ECT2L: variants seen among roughly 807,000 people sequenced by gnomAD.
The protein encoded by ECT2L is epithelial cell-transforming sequence 2 oncogene-like.
ECT2L carries 126 observed loss-of-function variants against 122.8 expected under a neutral mutation model. The observed-to-expected ratio is 1.03, with a 90% CI of 0.89 to 1.19. The LOEUF is 1.19. ECT2L is among the 50% of genes most tolerant of loss of function. ECT2L has a pLI of 0.00. For synonymous variants in ECT2L, 385 were observed against 381.8 expected (o/e 1.01, Z -0.10); for missense variants, 1,012 against 1,064.1 (o/e 0.95, Z 0.68).
At position 138,799,455 on chromosome 6, in the gene ECT2L, C is replaced by T. The variant is rs1034523052; in HGVS notation, c.-244+3263C>T. 2.6e-5 allele frequency among the ~76,000 whole-genome samples: 4 copies of T among 152,262 alleles called. No individual in the cohort carries two copies. The South Asian group carries it at 8.3e-4, about 32-fold the overall frequency. On this transcript the variant is annotated intron_variant, in intron 1 of 21. Transcript: ENST00000541398. ...CATTTTTAGTAGAGACGGGGTTTCA[C>T]TGTGTTAGCCAGGATGGTCTCGATC...
chr6:138,813,128 T>C (rs1057182816), intron 2 of ECT2L, 44 bp from the exon 3 acceptor site: 3 of 552,352 alleles, frequency 5.4e-6, no homozygotes, highest in Non-Finnish European at 9.6e-6. Flanking sequence ...ATTTCTATAA[T>C]TATATAATTC....
chr6:138,847,652 C>T (rs1163698097), intron 8 of ECT2L, among the ~76,000 whole-genome samples: 1 of 150,918 alleles, frequency 6.6e-6, no homozygotes, highest in Non-Finnish European at 1.5e-5. Context: ...GCTGGGATTA[C>T]AGGCGTAAGC....
At chr6:138,847,674 G>C (rs1333541535) in intron 8 of ECT2L, among the ~76,000 whole-genome samples, 1 of 150,966 alleles carries the variant, frequency 6.6e-6, no homozygotes, top group Admixed American at 6.6e-5. Context: ...ACCGCACCCA[G>C]CCTAAAGGCC....
intron 3 of ECT2L, among the ~76,000 whole-genome samples, chr6:138,814,270 C>T (rs1055445520): frequency 6.6e-6 from 1 of 152,186 alleles, no homozygotes; most frequent in African/African-American, 2.4e-5. Context: ...CAGTCTTTCC[C>T]ATCAACCCAC....
At chr6:138,838,982 A>G (rs1776944621) in intron 5 of ECT2L, among the ~76,000 whole-genome samples, 1 of 152,114 alleles carries the variant, frequency 6.6e-6, no homozygotes, top group African/African-American at 2.4e-5. Context: ...GGGTTTTACC[A>G]TGTTGGTCAG....
intron 9 of ECT2L, 93 bp from the exon 10 acceptor site, chr6:138,853,933 T>G: frequency 1.4e-6 from 2 of 1,433,946 alleles, no homozygotes; most frequent in East Asian, 2.3e-5. Flanking sequence ...AGATGGCATT[T>G]TGATTTTGTG....
Position 138,887,693 on chromosome 6 carries a change from A to G in ECT2L, c.2325+771A>G, listed in dbSNP as rs181203342. On this transcript the variant is annotated intron_variant, in intron 19 of 21. Coordinates refer to ENST00000541398, the MANE Select transcript of ECT2L (RefSeq NM_001077706.3). ...CTTACAGTTTTCCTGACTTCCTTAT[A>G]ATCATACCACACAGATCCACTCACG... 2.0e-3 allele frequency among the ~76,000 whole-genome samples: 297 copies of G among 152,224 alleles called. 1 individual carries two copies. The highest frequency in any genetic ancestry group is 6.9e-3 in the African/African-American group (288 of 41,522).
chr6:138,813,312 C>A lies in ECT2L; in HGVS notation c.38C>A (p.Pro13His). ...SFHTRFSAWT[P>H]FSNKSLNRQL... Reference sequence around the variant, plus strand: ...CACACCAGATTTAGTGCCTGGACACCTTTTAGCAACAAGTCATTAAATAGA... The same window carrying A: ...CACACCAGATTTAGTGCCTGGACACATTTTAGCAACAAGTCATTAAATAGA... Residue 13 changes from proline (P) to histidine (H), a missense_variant, in exon 3 of 22, where the codon CCT (proline) becomes CAT (histidine). Physicochemically the swap from Pro to His is moderately conservative, Grantham distance 77. Transcript: ENST00000541398. 6.2e-7 allele frequency: 1 copy of A among 1,611,964 alleles called. No homozygotes were observed. Among genetic ancestry groups the A allele is most frequent in the Non-Finnish European group, 8.5e-7 (1 of 1,179,498 alleles).
At chr6:138,815,155 G>A (rs570734924) in intron 4 of ECT2L, among the ~76,000 whole-genome samples, 108 of 152,268 alleles carry the variant, frequency 7.1e-4, no homozygotes, top group African/African-American at 2.5e-3. Flanking sequence ...TCTGTGAGTT[G>A]AAGTTATGCC....
At chr6:138,836,324 C>T (rs1224680204) in intron 4 of ECT2L, among the ~76,000 whole-genome samples, 1 of 137,196 alleles carries the variant, frequency 7.3e-6, no homozygotes, top group Non-Finnish European at 1.5e-5. Context: ...GAGTTTTGCT[C>T]GTCACCCAGG....
At chr6:138,814,455 T>C in intron 3 of ECT2L, 36 bp from the exon 4 acceptor site, 5 of 1,357,658 alleles carry the variant, frequency 3.7e-6, no homozygotes, top group Non-Finnish European at 4.2e-6. Context: ...CAATGAACTG[T>C]ACAGCAAATG....
chr6:138,863,296 T>C (rs1266188340), intron 11 of ECT2L, among the ~76,000 whole-genome samples: 4 of 152,218 alleles, frequency 2.6e-5, no homozygotes, highest in Non-Finnish European at 5.9e-5. Context: ...AAAACACCCT[T>C]GATTCCTATC....
At chr6:138,890,499 T>TTTTTTTTTTTTTG in intron 20 of ECT2L, among the ~76,000 whole-genome samples, 1 of 36,922 alleles carries the variant, frequency 2.7e-5, no homozygotes, top group Non-Finnish European at 7.4e-5. Flanking sequence ...GATCTTTTTT[T>TTTTTTTTTTTTTG]TTTTTTTTTT....
At chr6:138,859,256 G>A (rs1777735558) in intron 10 of ECT2L, among the ~76,000 whole-genome samples, 1 of 152,042 alleles carries the variant, frequency 6.6e-6, no homozygotes, top group African/African-American at 2.4e-5. Context: ...TTTTACTACT[G>A]GGAATTATTA....
chr6:138,840,891 T>C (rs1160689088), intron 5 of ECT2L, among the ~76,000 whole-genome samples: 1 of 152,174 alleles, frequency 6.6e-6, no homozygotes, highest in Non-Finnish European at 1.5e-5. Flanking sequence ...TTCCAATACT[T>C]ATAGGTTGGA....
At chr6:138,867,879 C>T (rs1043349831) in intron 12 of ECT2L, among the ~76,000 whole-genome samples, 1 of 150,834 alleles carries the variant, frequency 6.6e-6, no homozygotes, top group Non-Finnish European at 1.5e-5. Flanking sequence ...CATGGTGGTG[C>T]ATGCCTATAG....
intron 1 of ECT2L, among the ~76,000 whole-genome samples, chr6:138,804,689 G>A (rs1308647890): frequency 1.3e-5 from 2 of 152,086 alleles, no homozygotes; most frequent in East Asian, 3.9e-4. Context: ...TCACTCTACT[G>A]AGTCCCCTAA....
chr6:138,863,850 G>A (rs1582630467), intron 11 of ECT2L, among the ~76,000 whole-genome samples: 1 of 150,670 alleles, frequency 6.6e-6, no homozygotes, highest in East Asian at 2.0e-4. Context: ...TCCTGACCTT[G>A]TGATCCGCCC....
chr6:138,834,935 A>ACTCT lies in ECT2L; in HGVS notation c.180-3415_180-3412dup, dbSNP rs1554271415. Among the ~76,000 whole-genome samples the ACTCT allele has an allele frequency of 6.3e-3, 901 of 142,826 alleles. 5 individuals are homozygous for ACTCT. The highest frequency in any genetic ancestry group is 0.019 in the East Asian group (92 of 4,800). 93.7% of individuals were successfully genotyped at this position (142,826 alleles called of 152,430 possible). A position where few individuals can be genotyped will look rare whatever the true frequency, so the allele number is the denominator to read the frequency against. On this transcript the variant is annotated intron_variant, in intron 4 of 21. Transcript: ENST00000541398. ...CACACACACACACACACACACACAC[A>ACTCT]CTCTCATTCTCTCTCTCTGTCTCTT...
Sources: gnomAD v4.1 joint callset for allele counts (sites outside exome capture counted in the v4.1 genomes callset) on GRCh38, gnomAD v4.1.1 for gene constraint, MANE v1.5 for transcripts, NCBI Gene and HGNC (gene_info 2026-07-23, HGNC 2026-07-21) for gene names.